The following CPSF2 variants were observed in gnomAD, a reference collection of about 807,000 sequenced individuals.
CPSF2 encodes cleavage and polyadenylation specific factor 2, also known as cleavage and polyadenylation specificity factor subunit 2.
Under a neutral mutation model 84.2 loss-of-function variants are expected in CPSF2, and 51 were observed. The observed-to-expected ratio is 0.61, with a 90% CI of 0.48 to 0.77. The LOEUF is 0.77. Ranked by LOEUF, CPSF2 falls within the 30% of genes least tolerant of loss-of-function variation. The probability of loss-of-function intolerance (pLI) is 0.00; values close to 1 mark genes in which losing one functional copy is unlikely to be tolerated. For missense variants in CPSF2, 641 were observed against 929.4 expected (o/e 0.69, Z 4.03); for synonymous variants, 286 against 311.9 (o/e 0.92, Z 0.87).
chr14:92,139,739 A>G (rs1019969420), intron 7 of CPSF2, among the ~76,000 whole-genome samples: 3 of 150,916 alleles, frequency 2.0e-5, no homozygotes, highest in African/African-American at 7.3e-5. Context: ...GGGTTTCGCC[A>G]TGTTGGCCAG....
rs2069485380 is a variant in CPSF2, at chr14:92,169,045, C to A, written c.*7301C>A. The A allele has an allele frequency of 6.6e-6, 1 of 152,050 alleles. No individual in the cohort carries two copies. Among genetic ancestry groups the A allele is most frequent in the Non-Finnish European group, 1.5e-5 (1 of 68,012 alleles). The allele number at this position is 152,050 out of a possible 1,614,324, so 9.4% of individuals were successfully genotyped here. A position where few individuals can be genotyped will look rare whatever the true frequency, so the allele number is the denominator to read the frequency against. ...CTGAGGTTATGTTGACTTTAATATC[C>A]AATGTATCATAGGTGTTTTCTTTTT... On this transcript the variant is annotated 3_prime_UTR_variant, in exon 16 of 16. Coordinates refer to ENST00000298875, the MANE Select transcript of CPSF2 (RefSeq NM_017437.3).
chr14:92,156,432 G>GTATTAGCT (rs759172199), intron 11 of CPSF2, 47 bp from the exon 12 acceptor site: 1 of 1,539,224 alleles, frequency 6.5e-7, no homozygotes, highest in South Asian at 1.2e-5. Context: ...ATGTTATGTA[G>GTATTAGCT]TATTAGCTTG....
rs1238891117 is a variant in CPSF2 at position 92,134,275 on chromosome 14, C to G, written c.335C>G (p.Thr112Arg). The G allele has an allele frequency of 6.2e-7, 1 of 1,613,300 alleles. No individual in the cohort carries two copies. Among genetic ancestry groups the G allele is most frequent in the African/African-American group, 1.3e-5 (1 of 74,904 alleles). Residue 112 changes from threonine to arginine, a missense_variant, in exon 5 of 16, where the codon ACA (threonine) becomes AGA (arginine). Thr to Arg is a moderately conservative substitution (Grantham distance 71). Around this residue, in one of 2 missense-constraint regions of CPSF2, gnomAD observed 211 missense variants for 375.7 expected, o/e 0.56. Transcript: ENST00000298875. ...TCTCGACACAATACAGAAGATTTTA[C>G]ACTCTTTACATTAGATGATGTGGAT... The part of the protein sequence containing the change: ...YQSRHNTEDF[T>R]LFTLDDVDAA...
rs1027516275 is a variant in CPSF2 at position 92,164,740 on chromosome 14, T to A, written c.*2996T>A. On this transcript the variant is annotated 3_prime_UTR_variant, in exon 16 of 16. Coordinates refer to ENST00000298875, the MANE Select transcript of CPSF2 (RefSeq NM_017437.3). ...GAAACAGAAGTGAGGAAATCAATTT[T>A]TTAAGGTGAGCCATTTGGCTTTTTT... is the stretch of plus-strand genomic sequence containing the variant. The A allele has an allele frequency of 2.6e-5, 4 of 152,244 alleles. No individual in the cohort carries two copies. Among genetic ancestry groups the A allele is most frequent in the Admixed American group, 1.3e-4 (2 of 15,288 alleles). 9.4% of individuals were successfully genotyped at this position (152,244 alleles called of 1,614,324 possible). A position where few individuals can be genotyped will look rare whatever the true frequency, so the allele number is the denominator to read the frequency against.
intron 5 of CPSF2, 149 bp downstream of exon 5, chr14:92,134,504 C>T (rs2068974516): frequency 1.7e-6 from 1 of 594,436 alleles, no homozygotes; most frequent in African/African-American, 1.9e-5. Context: ...GAACTCTTAA[C>T]TTCCATTTGA....
Position 92,154,346 on chromosome 14 carries a change from ATT to A in CPSF2, c.1141-4_1141-3del. 1 of 1,543,260 alleles carries A rather than the reference ATT, an allele frequency of 6.5e-7. No individual in the cohort carries two copies. The highest frequency in any genetic ancestry group is 1.2e-5 in the South Asian group (1 of 83,812). ...ATATTAACATTTCCTTTTGTCTTTT[ATT>A]TTTTTTTAGTTGAGGAAACGTGTGA... On this transcript the variant is annotated splice_polypyrimidine_tract_variant and intron_variant, in intron 9 of 15. Coordinates refer to ENST00000298875, the MANE Select transcript of CPSF2 (RefSeq NM_017437.3).
At chr14:92,149,261 TA>T (rs975991101) in intron 9 of CPSF2, among the ~76,000 whole-genome samples, 4 of 148,756 alleles carry the variant, frequency 2.7e-5, no homozygotes, top group African/African-American at 2.5e-5. Context: ...TACACGTCAT[TA>T]AAAAAAAAAT....
chr14:92,142,961 A>G (rs1163844422), intron 8 of CPSF2, 43 bp from the exon 9 acceptor site: 2 of 1,458,194 alleles, frequency 1.4e-6, no homozygotes, highest in Non-Finnish European at 1.9e-6. Context: ...TTGAAGTTAT[A>G]ATATAGTATT....
chr14:92,153,769 G>A (rs932268331), intron 9 of CPSF2, among the ~76,000 whole-genome samples: 2 of 148,726 alleles, frequency 1.3e-5, no homozygotes, highest in African/African-American at 5.0e-5. Flanking sequence ...AGTGGTGTGA[G>A]CACAGCTCAC....
In CPSF2 at chr14:92,140,440, T is replaced by C. The variant is rs959728887; in HGVS notation, c.662-1724T>C. On this transcript the variant is annotated intron_variant, in intron 7 of 15. Coordinates refer to ENST00000298875, the MANE Select transcript of CPSF2 (RefSeq NM_017437.3). The stretch of plus-strand genomic sequence containing the variant: ...CATAGTGAGACCCCCATCTCTTTTT[T>C]TTTTTTTTTTTGAGATGTAGTCTCG... Among the ~76,000 whole-genome samples, 8 of 149,506 alleles carry C rather than the reference T, an allele frequency of 5.4e-5. No individual in the cohort carries two copies. The Admixed American group carries it at 5.4e-4, about 10-fold the overall frequency.
chr14:92,139,539 CTTT>C (rs751552254), intron 7 of CPSF2, among the ~76,000 whole-genome samples: 7 of 136,624 alleles, frequency 5.1e-5, no homozygotes, highest in Admixed American at 1.5e-4. Flanking sequence ...ATCTTACATT[CTTT>C]TTTTTTTTTT....
intron 13 of CPSF2, among the ~76,000 whole-genome samples, chr14:92,158,183 G>C (rs952741425): frequency 2.0e-5 from 3 of 152,176 alleles, no homozygotes; most frequent in Non-Finnish European, 4.4e-5. Flanking sequence ...GTTTAGATGG[G>C]TTGTCAGGAC....
At position 92,157,455 on chromosome 14, in the gene CPSF2, G is replaced by T. The variant is rs1044215212; in HGVS notation, c.1596-204G>T. ...CTGGGAGGTAGAGGTTGCAATGAGC[G>T]AAGATCATGCTACTGCACTCTAGCC... On this transcript the variant is annotated intron_variant, in intron 12 of 15. Coordinates refer to ENST00000298875, the MANE Select transcript of CPSF2 (RefSeq NM_017437.3). The surrounding 1 kb of genome is among the most constrained non-coding windows in gnomAD (Gnocchi z 4.0). Among the ~76,000 whole-genome samples the T allele has an allele frequency of 8.5e-5, 13 of 152,062 alleles. No individual in the cohort carries two copies. Among genetic ancestry groups the T allele is most frequent in the Admixed American group, 8.5e-4 (13 of 15,246 alleles).
intron 7 of CPSF2, among the ~76,000 whole-genome samples, chr14:92,140,423 G>C (rs946761806): frequency 6.1e-5 from 9 of 146,512 alleles, no homozygotes; most frequent in Non-Finnish European, 1.0e-4. Context: ...AACATAGTGA[G>C]ACCCCCATCT....
At chr14:92,131,534 C>G (rs2068929329) in intron 3 of CPSF2, among the ~76,000 whole-genome samples, 1 of 151,760 alleles carries the variant, frequency 6.6e-6, no homozygotes, top group African/African-American at 2.4e-5. Context: ...GATACTGATT[C>G]ATCAAAAAAA....
chr14:92,132,685 T>C (rs1263018755), intron 3 of CPSF2, among the ~76,000 whole-genome samples: 2 of 150,764 alleles, frequency 1.3e-5, no homozygotes, highest in Non-Finnish European at 3.0e-5. Flanking sequence ...GGCAGGAGAA[T>C]CACTTGAACC....
At chr14:92,136,414 G>A (rs968892128) in intron 6 of CPSF2, among the ~76,000 whole-genome samples, 8 of 152,158 alleles carry the variant, frequency 5.3e-5, no homozygotes, top group African/African-American at 1.4e-4. Context: ...TCGCATAAAC[G>A]CAGAAAATTG....
At chr14:92,151,839 CCAGCTTGGG>C (rs1380569179) in intron 9 of CPSF2, among the ~76,000 whole-genome samples, 1 of 152,124 alleles carries the variant, frequency 6.6e-6, no homozygotes, top group East Asian at 1.9e-4. Flanking sequence ...GAGTTTGAGA[CCAGCTTGGG>C]CAGCATGTCA....
chr14:92,129,681 C>T (rs1391292110), intron 2 of CPSF2, among the ~76,000 whole-genome samples: 3 of 152,022 alleles, frequency 2.0e-5, no homozygotes, highest in Non-Finnish European at 4.4e-5. Context: ...CACACAGTTC[C>T]AGGTTCTAAA....
Sources: gnomAD v4.1 joint callset for allele counts (sites outside exome capture counted in the v4.1 genomes callset) on GRCh38, gnomAD v4.1.1 for gene constraint, gnomAD v4.1.1 regional missense constraint, Gnocchi (gnomAD v3.1) non-coding constraint, MANE v1.5 for transcripts, NCBI Gene and HGNC (gene_info 2026-07-23, HGNC 2026-07-21) for gene names.